DHX29: variants seen among roughly 807,000 people sequenced by gnomAD.
DHX29 encodes DExH-box helicase 29.
Under a neutral mutation model 167.9 loss-of-function variants are expected in DHX29, and 79 were observed. That is an observed-to-expected ratio of 0.47 (90% CI 0.39 to 0.57). The LOEUF (loss-of-function observed/expected upper bound fraction) is 0.57. DHX29 is among the 20% of genes least tolerant of loss of function. The probability of loss-of-function intolerance (pLI) is 0.00; values close to 1 mark genes in which losing one functional copy is unlikely to be tolerated. For synonymous variants in DHX29, 530 were observed against 546.0 expected (o/e 0.97, Z 0.41); for missense variants, 1,347 against 1,593.4 (o/e 0.85, Z 2.63).
rs763101049 is a variant in DHX29, at chr5:55,262,902, T to C, written c.3556A>G (p.Lys1186Glu). 2.5e-6 allele frequency: 4 copies of C among 1,613,584 alleles called. No individual in the cohort carries two copies. The highest frequency in any genetic ancestry group is 1.1e-5 in the South Asian group (1 of 91,044). ...DVKQELIKLV[K>E]AAGFSSSTTS... ...GTGGAAGATGAAAATCCTGCTGCCTTAACCAACTTTATTAACTCCTGCTTT... is the reference window on the plus strand; with the variant it reads ...GTGGAAGATGAAAATCCTGCTGCCTCAACCAACTTTATTAACTCCTGCTTT... Residue 1186 changes from lysine (K) to glutamate (E), a missense_variant, in exon 24 of 27, where the codon AAG (lysine) becomes GAG (glutamate). This residue lies in a region of DHX29 where 882 missense variants were observed against 1,082.4 expected (regional missense o/e 0.81). Transcript: ENST00000251636.
Position 55,283,273 on chromosome 5 carries a change from C to T in DHX29, c.1895G>A (p.Arg632Lys). ...KCNIVCTQPR[R>K]ISAVSLANRV... ...GTTGGCTAAACTAACTGCTGAGATT[C>T]TTCGGGGTTGGGTACAGACAATGTT... is the stretch of plus-strand genomic sequence containing the variant. The change falls in exon 11 of 27, where the codon AGA becomes AAA. Residue 632 changes from arginine to lysine, a missense_variant. Coordinates refer to ENST00000251636, the MANE Select transcript of DHX29 (RefSeq NM_019030.4). 6.2e-7 allele frequency: 1 copy of T among 1,613,654 alleles called. No individual in the cohort carries two copies. Among genetic ancestry groups the T allele is most frequent in the Non-Finnish European group, 8.5e-7 (1 of 1,179,652 alleles).
At chr5:55,270,334 G>A (rs936167229) in intron 20 of DHX29, 78 bp downstream of exon 20, 1 of 1,432,934 alleles carries the variant, frequency 7.0e-7, no homozygotes. Flanking sequence ...GCAATATAAG[G>A]TAAGTTTAGG....
intron 12 of DHX29, among the ~76,000 whole-genome samples, chr5:55,278,234 T>G (rs541881384): frequency 5.9e-5 from 9 of 152,312 alleles, no homozygotes; most frequent in African/African-American, 2.2e-4. Flanking sequence ...TACTCTATTT[T>G]ATAACAGATT....
intron 1 of DHX29, among the ~76,000 whole-genome samples, chr5:55,300,931 G>C (rs956475079): frequency 3.3e-5 from 5 of 152,098 alleles, no homozygotes; most frequent in African/African-American, 9.7e-5. Context: ...TACCAGCAAG[G>C]GAGGTTTCAT....
At chr5:55,286,206 A>G (rs1421298445) in intron 8 of DHX29, among the ~76,000 whole-genome samples, 1 of 151,370 alleles carries the variant, frequency 6.6e-6, no homozygotes, top group East Asian at 2.0e-4. Context: ...GTGAGCCAAG[A>G]TTGCACCACT....
In DHX29 at chr5:55,283,627, C is replaced by G. The variant is rs1332086811; in HGVS notation, c.1541G>C (p.Arg514Thr). The G allele has an allele frequency of 6.2e-7, 1 of 1,613,956 alleles. No homozygotes were observed. Among genetic ancestry groups the G allele is most frequent in the African/African-American group, 1.3e-5 (1 of 75,000 alleles). Residue 514 changes from arginine (R) to threonine (T), a missense_variant, in exon 11 of 27, where the codon AGA becomes ACA. Physicochemically the swap from Arg to Thr is moderately conservative, Grantham distance 71. Coordinates refer to ENST00000251636, the MANE Select transcript of DHX29 (RefSeq NM_019030.4). ...TTCCTCGGGATCTTCAGAGTTTTCT[C>G]TCTTATTTTCAGAATGCTGTTGTTG... ...QQQQQHSENK[R>T]ENSEDPEESW...
Position 55,275,001 on chromosome 5 carries a change from G to C in DHX29, c.2437C>G (p.Pro813Ala), listed in dbSNP as rs760163079. Residue 813 changes from proline (P) to alanine (A), a missense_variant, in exon 15 of 27, where the codon CCA becomes GCA. Physicochemically the swap from Pro to Ala is conservative, Grantham distance 27. This residue lies in a region of DHX29 where 882 missense variants were observed against 1,082.4 expected (regional missense o/e 0.81). Transcript: ENST00000251636. ...GGIKKYQEYI[P>A]VQTGAHADLN... ...TCAGCATGTGCTCCAGTCTGAACTG[G>C]GATGTATTCCTAAAAGAAATCCAAC... The C allele has an allele frequency of 1.9e-6, 3 of 1,610,728 alleles. No homozygotes were observed. The highest frequency in any genetic ancestry group is 1.7e-6 in the Non-Finnish European group (2 of 1,179,290).
rs777325533 is a variant in DHX29, at chr5:55,289,422, T to G, written c.914A>C (p.Glu305Ala). The G allele has an allele frequency of 1.3e-6, 2 of 1,532,158 alleles. No individual in the cohort carries two copies. Among genetic ancestry groups the G allele is most frequent in the Non-Finnish European group, 1.7e-6 (2 of 1,152,000 alleles). 94.9% of individuals were successfully genotyped at this position (1,532,158 alleles called of 1,614,324 possible). A position where few individuals can be genotyped will look rare whatever the true frequency, so the allele number is the denominator to read the frequency against. The change falls in exon 8 of 27, where the codon GAA becomes GCA. Residue 305 changes from glutamate to alanine, a missense_variant. Physicochemically the swap from Glu to Ala is moderately radical, Grantham distance 107 (BLOSUM62 -1). This residue lies in a region of DHX29 where 405 missense variants were observed against 416.8 expected (regional missense o/e 0.97). Coordinates refer to ENST00000251636, the MANE Select transcript of DHX29 (RefSeq NM_019030.4). ...EKIRKFQREM[E>A]TLEDHPVFNP... ...AAATACTGGATGGTCTTCTAAAGTT[T>G]CCATTTCTACCAAGAAAAAAATATA...
In DHX29 at chr5:55,299,988, C is replaced by A. The variant is rs949294101; in HGVS notation, c.188-1324G>T. Among the ~76,000 whole-genome samples, 4 of 152,088 alleles carry A rather than the reference C, an allele frequency of 2.6e-5. No homozygotes were observed. The South Asian group carries it at 6.2e-4, about 24-fold the overall frequency. On this transcript the variant is annotated intron_variant, in intron 1 of 26. Transcript: ENST00000251636. The stretch of plus-strand genomic sequence containing the variant: ...TACTCTCTTAAAAATTACTGAGGAT[C>A]CAAATAGTTTTTGTTTATGTGGGTT...
rs184640390 is a variant in DHX29 at position 55,275,728 on chromosome 5, T to C, written c.2427+538A>G. 6.8e-4 allele frequency among the ~76,000 whole-genome samples: 79 copies of C among 116,692 alleles called. No homozygotes were observed. The East Asian group carries it at 0.014, about 21-fold the overall frequency. The allele number at this position is 116,692 out of a possible 152,430, so 76.6% of individuals were successfully genotyped here. A position where few individuals can be genotyped will look rare whatever the true frequency, so the allele number is the denominator to read the frequency against. The stretch of plus-strand genomic sequence containing the variant: ...AACTATGCCCTAGACAGCTTCACTA[T>C]GTATGTATGTATGTATGTATGTATG... On this transcript the variant is annotated intron_variant, in intron 14 of 26. Transcript: ENST00000251636.
Position 55,295,376 on chromosome 5 carries a change from T to C in DHX29, c.651+3A>G. 6.2e-7 allele frequency: 1 copy of C among 1,603,076 alleles called. No homozygotes were observed. Among genetic ancestry groups the C allele is most frequent in the Non-Finnish European group, 8.5e-7 (1 of 1,170,674 alleles). ...AACTTTAAATGCTTAATTCTCAAAT[T>C]ACCTTACTCTTAGGGTCCTCTTCAT... On this transcript the variant is annotated splice_donor_region_variant and intron_variant, in intron 5 of 26. Transcript: ENST00000251636.
chr5:55,275,445 A>G lies in DHX29; in HGVS notation c.2428-435T>C, dbSNP rs1747060830. Reference sequence around the variant, plus strand: ...ATCTCTTTTGAAATAACTATATTCTAAAGTCTTTCTTTAGTTTGTAATTTT... The same window carrying G: ...ATCTCTTTTGAAATAACTATATTCTGAAGTCTTTCTTTAGTTTGTAATTTT... On this transcript the variant is annotated intron_variant, in intron 14 of 26. Coordinates refer to ENST00000251636, the MANE Select transcript of DHX29 (RefSeq NM_019030.4). 2.0e-5 allele frequency among the ~76,000 whole-genome samples: 3 copies of G among 152,188 alleles called. No individual in the cohort carries two copies. In the South Asian group the frequency reaches 6.2e-4, roughly 32 times the overall value.
intron 16 of DHX29, 138 bp from the exon 17 acceptor site, chr5:55,273,515 C>T (rs949529383): frequency 1.8e-6 from 2 of 1,086,514 alleles, no homozygotes; most frequent in African/African-American, 3.2e-5. Context: ...CAAGTGTTTA[C>T]AGAATTGTAC....
chr5:55,285,952 CT>C, intron 8 of DHX29, 91 bp from the exon 9 acceptor site: 2 of 1,072,286 alleles, frequency 1.9e-6, no homozygotes, highest in Non-Finnish European at 2.6e-6. Flanking sequence ...GAGAACAGCA[CT>C]TTTAGAAGAT....
At chr5:55,297,243 G>T in intron 3 of DHX29, 42 bp downstream of exon 3, 1 of 890,392 alleles carries the variant, frequency 1.1e-6, no homozygotes, top group South Asian at 1.4e-5. Flanking sequence ...GTCTAAAAAT[G>T]CTTCACTAAA....
At chr5:55,270,153 C>T (rs1746779024) in intron 20 of DHX29, among the ~76,000 whole-genome samples, 1 of 151,926 alleles carries the variant, frequency 6.6e-6, no homozygotes, top group Non-Finnish European at 1.5e-5. Flanking sequence ...TGCCCAATGT[C>T]CCCTGGTAGG....
intron 25 of DHX29, 66 bp from the exon 26 acceptor site, chr5:55,260,010 T>A: frequency 1.2e-6 from 1 of 859,678 alleles, no homozygotes; most frequent in Non-Finnish European, 1.9e-6. Flanking sequence ...TTTAAGTAAA[T>A]CAAGGCAAGC....
At chr5:55,294,504 C>T (rs1748209208) in intron 5 of DHX29, among the ~76,000 whole-genome samples, 1 of 152,190 alleles carries the variant, frequency 6.6e-6, no homozygotes, top group Non-Finnish European at 1.5e-5. Context: ...GAAACCCCAT[C>T]TCTACTAAAA....
chr5:55,274,770 G>T, intron 15 of DHX29, 39 bp from the exon 16 acceptor site: 2 of 1,565,108 alleles, frequency 1.3e-6, no homozygotes, highest in South Asian at 2.4e-5. Context: ...AAAATAAGAA[G>T]ATAAGGAACA....
Sources: gnomAD v4.1 joint callset for allele counts (sites outside exome capture counted in the v4.1 genomes callset) on GRCh38, gnomAD v4.1.1 for gene constraint, gnomAD v4.1.1 regional missense constraint, MANE v1.5 for transcripts, NCBI Gene and HGNC (gene_info 2026-07-23, HGNC 2026-07-21) for gene names.